The following SALL1 variants were observed in gnomAD, a reference collection of about 807,000 sequenced individuals.
The protein encoded by SALL1 is spalt like transcription factor 1.
SALL1 carries 10 observed loss-of-function variants against 73.1 expected under a neutral mutation model. The ratio of observed to expected loss-of-function variants is 0.14; its 90% CI spans 0.08 to 0.23. The LOEUF (loss-of-function observed/expected upper bound fraction) is 0.23. SALL1 is among the 10% of genes least tolerant of loss of function. The probability of loss-of-function intolerance (pLI) is 1.00; values close to 1 mark genes in which losing one functional copy is unlikely to be tolerated. For missense variants in SALL1, 1,520 were observed against 1,697.3 expected, an observed-to-expected ratio of 0.90 and a Z score of 1.84; for synonymous variants, 688 against 689.8, an observed-to-expected ratio of 1.00 and a Z score of 0.04.
intron 2 of SALL1, 36 bp from the exon 3 acceptor site, chr16:51,137,588 G>T: frequency 6.6e-7 from 1 of 1,513,394 alleles, no homozygotes; most frequent in Non-Finnish European, 9.1e-7. Context: ...GAGACAGAGA[G>T]AGAGAGAGAA....
intron 1 of SALL1, among the ~76,000 whole-genome samples, chr16:51,142,492 A>G (rs138998940): frequency 3.9e-5 from 6 of 152,234 alleles, no homozygotes; most frequent in African/African-American, 1.4e-4. Context: ...GGGTCCACAA[A>G]CCATTCTGAG....
Position 51,147,780 on chromosome 16 carries a change from A to AACACACACACACACACAC in SALL1, c.76+3368_76+3385dup, listed in dbSNP as rs145285801. 7.5e-3 allele frequency among the ~76,000 whole-genome samples: 1,091 copies of AACACACACACACACACAC among 146,282 alleles called. 3 individuals carry two copies. Among genetic ancestry groups the AACACACACACACACACAC allele is most frequent in the Middle Eastern group, 0.021 (6 of 286 alleles). ...AAAACGCCACCAAAGGAAGAACTCC[A>AACACACACACACACACAC]ACACACACACACACACACACACACA... On this transcript the variant is annotated intron_variant, in intron 1 of 2. Transcript: ENST00000251020.
chr16:51,138,577 G>T, intron 2 of SALL1, 111 bp downstream of exon 2: 1 of 1,376,830 alleles, frequency 7.3e-7, no homozygotes, highest in Non-Finnish European at 9.8e-7. Context: ...CCTTGCAAGA[G>T]CTCTCTCCCT....
chr16:51,145,979 C>CTTTTT (rs372735955), intron 1 of SALL1, among the ~76,000 whole-genome samples: 16 of 128,870 alleles, frequency 1.2e-4, no homozygotes, highest in East Asian at 2.2e-4. Flanking sequence ...ATTGATTGGT[C>CTTTTT]TTTTTTTTTT....
At chr16:51,151,542 T>C (rs1251054403), upstream of SALL1, among the ~76,000 whole-genome samples, 1 of 151,782 alleles carries the variant, frequency 6.6e-6, no homozygotes, top group African/African-American at 2.4e-5. Flanking sequence ...GACCCCTGTC[T>C]CTCCGCGCGC....
Position 51,138,866 on chromosome 16 carries a change from G to T in SALL1, c.3356C>A (p.Ser1119Tyr). ...PSGPLSSSATSPVLLPALPRR... is the reference protein window; with the variant it reads ...PSGPLSSSATYPVLLPALPRR... ...GGGCAGAGCAGGGAGCAGAACTGGG[G>T]ATGTGGCAGAGGAAGACAGAGGCCC... The change falls in exon 2 of 3, where the codon TCC becomes TAC. Residue 1119 changes from serine (S) to tyrosine (Y), a missense_variant. This residue lies in a region of SALL1 where 318 missense variants were observed against 357.1 expected (regional missense o/e 0.89). Transcript: ENST00000251020. The T allele has an allele frequency of 6.2e-7, 1 of 1,614,228 alleles. No homozygotes were observed. Among genetic ancestry groups the T allele is most frequent in the Non-Finnish European group, 8.5e-7 (1 of 1,180,046 alleles).
chr16:51,137,770 C>T (rs1220751763), intron 2 of SALL1, among the ~76,000 whole-genome samples: 2 of 152,170 alleles, frequency 1.3e-5, no homozygotes, highest in Admixed American at 1.3e-4. Context: ...TCTCTGCAGC[C>T]CTGGGCTGTC....
chr16:51,138,519 G>C (rs925419358), intron 2 of SALL1, among the ~76,000 whole-genome samples, 169 bp downstream of exon 2: 1 of 152,008 alleles, frequency 6.6e-6, no homozygotes, highest in African/African-American at 2.4e-5. Flanking sequence ...GACCCTCCCA[G>C]GCACCCTCTC....
intron 1 of SALL1, chr16:51,150,724 C>G (rs1567319296): frequency 2.2e-6 from 1 of 448,704 alleles, no homozygotes. Context: ...GCAGCAAGGC[C>G]GGGCGGCGGA....
intron 1 of SALL1, chr16:51,149,115 T>G (rs1158223664): frequency 6.6e-6 from 1 of 152,498 alleles, no homozygotes; most frequent in Non-Finnish European, 1.5e-5. Context: ...TTGAAAAAAA[T>G]AGTACTAATA....
intron 1 of SALL1, chr16:51,149,218 GCA>G (rs1962560322): frequency 6.6e-6 from 1 of 152,128 alleles, no homozygotes; most frequent in African/African-American, 2.4e-5. Context: ...AAGGCAAAAG[GCA>G]AAGATCTTCC....
intron 1 of SALL1, 30 bp from the exon 2 acceptor site, chr16:51,142,175 A>G: frequency 2.6e-6 from 4 of 1,544,766 alleles, no homozygotes; most frequent in Non-Finnish European, 3.6e-6. Context: ...GCAGGATTAG[A>G]AAAGGGGCCA....
Position 51,140,363 on chromosome 16 carries a change from G to C in SALL1, c.1859C>G (p.Ser620Cys), listed in dbSNP as rs1466712646. Residue 620 changes from serine to cysteine, a missense_variant, in exon 2 of 3, where the codon TCT (serine) becomes TGT (cysteine). Physicochemically the swap from Ser to Cys is moderately radical, Grantham distance 112. Coordinates refer to ENST00000251020, the MANE Select transcript of SALL1 (RefSeq NM_002968.3). The surrounding 1 kb of genome is among the most constrained non-coding windows in gnomAD (Gnocchi z 5.7). The part of the protein sequence containing the change: ...EEAEGSTLPP[S>C]GGKSEESGMV... ...GCCACTCTCTTCGCTTTTGCCACCA[G>C]AGGGTGGCAGAGTGGACCCTTCGGC... The C allele has an allele frequency of 3.7e-6, 6 of 1,614,170 alleles. No individual in the cohort carries two copies. The South Asian group carries it at 5.5e-5, about 15-fold the overall frequency.
intron 2 of SALL1, among the ~76,000 whole-genome samples, chr16:51,138,027 G>A (rs1962343757): frequency 6.6e-6 from 1 of 152,222 alleles, no homozygotes; most frequent in South Asian, 2.1e-4. Flanking sequence ...GGAGAGAAAA[G>A]CCAGAAAGTA....
chr16:51,138,640 G>A (rs1962353465), intron 2 of SALL1, 48 bp downstream of exon 2: 8 of 1,576,802 alleles, frequency 5.1e-6, no homozygotes, highest in African/African-American at 1.3e-5. Context: ...ATCAATGGCA[G>A]TGGGACAGGG....
chr16:51,147,954 C>A (rs1255513754), intron 1 of SALL1, among the ~76,000 whole-genome samples: 1 of 152,170 alleles, frequency 6.6e-6, no homozygotes, highest in East Asian at 1.9e-4. Context: ...TAGCAGTCAT[C>A]TTTCTGCAAG....
rs192611965 is a variant in SALL1 at position 51,140,927 on chromosome 16, T to C, written c.1295A>G (p.Asn432Ser). The C allele has an allele frequency of 8.1e-6, 13 of 1,614,204 alleles. No homozygotes were observed. Among genetic ancestry groups the C allele is most frequent in the Non-Finnish European group, 1.1e-5 (13 of 1,180,044 alleles). ...ACTTTTCGCTTCAAAGGCAGTGACATTTGGTGGCTTGCTTTTTCTTTGCTG... is the reference window on the plus strand; with the variant it reads ...ACTTTTCGCTTCAAAGGCAGTGACACTTGGTGGCTTGCTTTTTCTTTGCTG... ...LAQQRKSKPPNVTAFEAKSTS... is the reference protein window; with the variant it reads ...LAQQRKSKPPSVTAFEAKSTS... Residue 432 changes from asparagine to serine, a missense_variant, in exon 2 of 3, where the codon AAT becomes AGT. By Grantham distance (46) the Asn-to-Ser change is conservative (BLOSUM62 1). Coordinates refer to ENST00000251020, the MANE Select transcript of SALL1 (RefSeq NM_002968.3). The surrounding 1 kb of genome is among the most constrained non-coding windows in gnomAD (Gnocchi z 5.7).
chr16:51,142,255 A>G, intron 1 of SALL1, 110 bp from the exon 2 acceptor site: 1 of 850,130 alleles, frequency 1.2e-6, no homozygotes. Flanking sequence ...AAAACTCAAA[A>G]CTGTAGCCCT....
At position 51,141,419 on chromosome 16, in the gene SALL1, G is replaced by A; in HGVS notation, c.803C>T (p.Ser268Phe). ...TCGTAAAGTACCTTGAGAAGGACTAGAAGATGTTGGCAAGTCTGCATTCTG... is the reference window on the plus strand; with the variant it reads ...TCGTAAAGTACCTTGAGAAGGACTAAAAGATGTTGGCAAGTCTGCATTCTG... ...ASQNADLPTS[S>F]SPSQGTLRTS... Residue 268 changes from serine (S) to phenylalanine (F), a missense_variant, in exon 2 of 3, where the codon TCT (serine) becomes TTT (phenylalanine). Ser to Phe is a radical substitution (Grantham distance 155, BLOSUM62 -2). Transcript: ENST00000251020. This position sits in a 1 kb window ranked among gnomAD's most constrained non-coding sequence, Gnocchi z 5.4. 2 of 1,614,144 alleles carry A rather than the reference G, an allele frequency of 1.2e-6. No homozygotes were observed. The highest frequency in any genetic ancestry group is 8.5e-7 in the Non-Finnish European group (1 of 1,180,032).
Sources: gnomAD v4.1 joint callset for allele counts (sites outside exome capture counted in the v4.1 genomes callset) on GRCh38, gnomAD v4.1.1 for gene constraint, gnomAD v4.1.1 regional missense constraint, Gnocchi (gnomAD v3.1) non-coding constraint, MANE v1.5 for transcripts, NCBI Gene and HGNC (gene_info 2026-07-23, HGNC 2026-07-21) for gene names.